The following ANKRD30A variants were observed in gnomAD, a reference collection of about 807,000 sequenced individuals.
The protein encoded by ANKRD30A is ankyrin repeat domain-containing protein 30A.
A neutral mutation model predicts 166.3 loss-of-function variants in ANKRD30A; 170 were observed. The observed-to-expected ratio is 1.02, with a 90% CI of 0.90 to 1.16. ANKRD30A has a LOEUF of 1.16. Among genes scored for constraint, ANKRD30A ranks in the 50% most tolerant of loss-of-function variants. The pLI is 0.00. For synonymous variants in ANKRD30A, 564 were observed against 508.9 expected (o/e 1.11, Z -1.46); for missense variants, 1,630 against 1,518.0 (o/e 1.07, Z -1.23).
intron 31 of ANKRD30A, among the ~76,000 whole-genome samples, chr10:37,204,326 C>G (rs1040302983): frequency 6.6e-6 from 1 of 151,768 alleles, no homozygotes; most frequent in Non-Finnish European, 1.5e-5. Flanking sequence ...CATCTACAAC[C>G]ATCTGATCTT....
intron 32 of ANKRD30A, 49 bp downstream of exon 32, chr10:37,216,443 C>G (rs1394751529): frequency 2.0e-6 from 3 of 1,497,830 alleles, no homozygotes; most frequent in Non-Finnish European, 2.7e-6. Flanking sequence ...TATACTAAAA[C>G]TACGTAGGAT....
chr10:37,152,188 C>G, intron 12 of ANKRD30A, 67 bp downstream of exon 12: 1 of 1,344,690 alleles, frequency 7.4e-7, no homozygotes, highest in Non-Finnish European at 1.0e-6. Context: ...AAGGCAGAGG[C>G]TTAGGCTTTA....
At chr10:37,247,176 A>G in the ANKRD30A span, among the ~76,000 whole-genome samples, 2 of 152,204 alleles carry the variant, frequency 1.3e-5, no homozygotes, top group African/African-American at 4.8e-5. Flanking sequence ...TTGGCAGAAA[A>G]GGGCTAAAGA....
chr10:37,136,949 G>A (rs1388496359), intron 6 of ANKRD30A, among the ~76,000 whole-genome samples: 1 of 151,292 alleles, frequency 6.6e-6, no homozygotes, highest in Non-Finnish European at 1.5e-5. Context: ...AAAAATATTT[G>A]TTTAATTATG....
chr10:37,240,701 CCTT>C, the ANKRD30A span, among the ~76,000 whole-genome samples: 1 of 152,072 alleles, frequency 6.6e-6, no homozygotes, highest in Non-Finnish European at 1.5e-5. Context: ...TTTTTGTTGT[CCTT>C]CTGGTATCAA....
At chr10:37,192,097 C>G (rs1042374512) in intron 25 of ANKRD30A, among the ~76,000 whole-genome samples, 3 of 152,120 alleles carry the variant, frequency 2.0e-5, no homozygotes, top group Admixed American at 6.5e-5. Flanking sequence ...AGTGCAATGG[C>G]ATGATCTTGG....
At chr10:37,192,360 T>G (rs1371715856) in intron 25 of ANKRD30A, among the ~76,000 whole-genome samples, 1 of 152,034 alleles carries the variant, frequency 6.6e-6, no homozygotes, top group South Asian at 2.1e-4. Flanking sequence ...GGTTTGTTGA[T>G]GGGTATGCTT....
At chr10:37,179,018 A>ATATATT (rs1839964643) in intron 24 of ANKRD30A, among the ~76,000 whole-genome samples, 1 of 4,362 alleles carries the variant, frequency 2.3e-4, no homozygotes, top group Non-Finnish European at 5.6e-4. Context: ...CGTCAAATAT[A>ATATATT]TATATATATA....
chr10:37,250,030 G>T, the ANKRD30A span, among the ~76,000 whole-genome samples: 1 of 151,946 alleles, frequency 6.6e-6, no homozygotes, highest in African/African-American at 2.4e-5. Flanking sequence ...GTCTTTGTTC[G>T]TCAAGATTGT....
chr10:37,149,080 G>A (rs1340130884), intron 9 of ANKRD30A, among the ~76,000 whole-genome samples: 2 of 151,940 alleles, frequency 1.3e-5, no homozygotes, highest in Non-Finnish European at 2.9e-5. Context: ...AGTGGATCAA[G>A]AAGCATTCAG....
intron 1 of ANKRD30A, among the ~76,000 whole-genome samples, chr10:37,128,795 A>G (rs1836208137): frequency 6.6e-6 from 1 of 152,148 alleles, no homozygotes; most frequent in South Asian, 2.1e-4. Flanking sequence ...CTGAATCTCA[A>G]TGGAAACTTT....
intron 30 of ANKRD30A, among the ~76,000 whole-genome samples, chr10:37,200,534 G>T (rs539402618): frequency 1.3e-5 from 2 of 152,122 alleles, no homozygotes; most frequent in South Asian, 2.1e-4. Context: ...TAACAGCAAA[G>T]GGTGGAAGTC....
intron 4 of ANKRD30A, among the ~76,000 whole-genome samples, chr10:37,133,346 T>C (rs1225515651): frequency 6.6e-6 from 1 of 152,200 alleles, no homozygotes; most frequent in African/African-American, 2.4e-5. Flanking sequence ...TTGATAGGTG[T>C]GACCTTGCAA....
At chr10:37,127,828 TTTCA>T (rs140467572) in intron 1 of ANKRD30A, among the ~76,000 whole-genome samples, 55,597 of 151,722 alleles carry the variant, frequency 0.37, 10,462 homozygotes, top group Admixed American at 0.42. Flanking sequence ...GCAGATGACT[TTTCA>T]AATAGACAAT....
At chr10:37,197,213 C>A (rs970065882) in intron 27 of ANKRD30A, 68 bp from the exon 28 acceptor site, 2 of 1,588,298 alleles carry the variant, frequency 1.3e-6, no homozygotes, top group African/African-American at 2.7e-5. Flanking sequence ...GATACTATCA[C>A]GGCATTCATT....
At chr10:37,159,625 T>C (rs921591432) in intron 15 of ANKRD30A, among the ~76,000 whole-genome samples, 1 of 152,180 alleles carries the variant, frequency 6.6e-6, no homozygotes, top group African/African-American at 2.4e-5. Flanking sequence ...TTTTCATGTC[T>C]TATAGGCTAT....
the ANKRD30A span, among the ~76,000 whole-genome samples, chr10:37,258,962 C>CA: frequency 0.15 from 6,422 of 44,066 alleles, 650 homozygotes; most frequent in East Asian, 0.37. Flanking sequence ...GACTCCATCT[C>CA]AAAAAAAAAA....
At chr10:37,250,044 A>G in the ANKRD30A span, among the ~76,000 whole-genome samples, 1 of 152,176 alleles carries the variant, frequency 6.6e-6, no homozygotes, top group African/African-American at 2.4e-5. Context: ...AGATTGTGGC[A>G]TATCTATGAT....
chr10:37,207,621 G>A (rs1232585614), intron 31 of ANKRD30A, among the ~76,000 whole-genome samples: 1 of 150,982 alleles, frequency 6.6e-6, no homozygotes, highest in Non-Finnish European at 1.5e-5. Flanking sequence ...GTCACTTATG[G>A]CTATTATTTT....
Sources: allele counts gnomAD v4.1 joint callset (sites outside exome capture counted in the v4.1 genomes callset), GRCh38; gene constraint gnomAD v4.1.1; transcripts MANE v1.5; gene names NCBI Gene and HGNC (gene_info 2026-07-23, HGNC 2026-07-21).